The following MACF1 variants were observed in gnomAD, a reference collection of about 807,000 sequenced individuals.
MACF1 encodes the protein microtubule actin crosslinking factor 1.
A neutral mutation model predicts 854.8 loss-of-function variants in MACF1; 193 were observed. The observed-to-expected ratio is 0.23, with a 90% CI of 0.20 to 0.25. The LOEUF (loss-of-function observed/expected upper bound fraction) is 0.25, where lower values mean the gene tolerates loss of function less well. MACF1 is among the 10% of genes least tolerant of loss of function. MACF1 has a pLI of 1.00. For synonymous variants in MACF1, 3,185 were observed against 3,226.7 expected (o/e 0.99, Z 0.44); for missense variants, 7,722 against 8,929.1 (o/e 0.86, Z 5.45).
At chr1:39,167,814 C>T (rs974426409) in intron 2 of MACF1, among the ~76,000 whole-genome samples, 11 of 148,738 alleles carry the variant, frequency 7.4e-5, no homozygotes, top group African/African-American at 2.2e-4. Flanking sequence ...TTGGAGGTTG[C>T]AGTGAGCTGA....
At chr1:39,307,901 C>CTTTCTTTTTTTTTTTTTTTTTTTTT (rs1222230255) in intron 23 of MACF1, among the ~76,000 whole-genome samples, 1 of 50,392 alleles carries the variant, frequency 2.0e-5, no homozygotes, top group Non-Finnish European at 3.6e-5. Context: ...TTCTTTCTTT[C>CTTTCTTTTTTTTTTTTTTTTTTTTT]TTTTTTTTTT....
In MACF1 at chr1:39,291,950, G is replaced by C. The variant is rs555718878; in HGVS notation, c.1826G>C (p.Ser609Thr). Residue 609 changes from serine to threonine, a missense_variant, in exon 16 of 101, where the codon AGT (serine) becomes ACT (threonine). Physicochemically the swap from Ser to Thr is moderately conservative, Grantham distance 58. Transcript: ENST00000564288. ...ERAEWGNDLP[S>T]VELQLETQQH... ...GCAGAGTGGGGCAATGACCTGCCTA[G>C]TGTGGAGTTGCAGCTAGAAACACAG... 4 of 1,613,984 alleles carry C rather than the reference G, an allele frequency of 2.5e-6. No homozygotes were observed. The highest frequency in any genetic ancestry group is 2.2e-5 in the East Asian group (1 of 44,884).
rs1553190549 is a variant in MACF1 at position 39,263,774 on chromosome 1, T to TTC, written c.528+5747_528+5748insCT. On this transcript the variant is annotated intron_variant, in intron 6 of 100. Transcript: ENST00000564288. ...TCTTTCATCTTTTTTCTTTTTTCTT[T>TTC]TTTTTTTTTTTTTTTTTGAGACGGA... Among the ~76,000 whole-genome samples, 80 of 129,934 alleles carry TTC rather than the reference T, an allele frequency of 6.2e-4. 1 individual carries two copies. Among genetic ancestry groups the TTC allele is most frequent in the African/African-American group, 2.2e-3 (72 of 33,218 alleles). The allele number at this position is 129,934 out of a possible 152,430, so 85.2% of individuals were successfully genotyped here. A position where few individuals can be genotyped will look rare whatever the true frequency, so the allele number is the denominator to read the frequency against.
At chr1:39,117,331 C>T (rs890146588) in intron 2 of MACF1, among the ~76,000 whole-genome samples, 7 of 152,086 alleles carry the variant, frequency 4.6e-5, no homozygotes, top group Non-Finnish European at 7.3e-5. Flanking sequence ...CATTCCGCAT[C>T]TTTGTTTGTT....
chr1:39,296,277 T>A (rs550894173), intron 20 of MACF1, among the ~76,000 whole-genome samples: 9 of 152,238 alleles, frequency 5.9e-5, no homozygotes, highest in African/African-American at 2.2e-4. Context: ...GTCCTTTTTT[T>A]CTGCTTGTGT....
Position 39,297,603 on chromosome 1 carries a change from A to T in MACF1, c.2356-17A>T. 7 of 1,614,022 alleles carry T rather than the reference A, an allele frequency of 4.3e-6. No homozygotes were observed. Among genetic ancestry groups the T allele is most frequent in the Non-Finnish European group, 5.1e-6 (6 of 1,179,926 alleles). ...AATGTTTTGAGCAGAAGGCATCCTT[A>T]CTTTGTATTCCCATAGTTCTTCAGT... On this transcript the variant is annotated splice_polypyrimidine_tract_variant and intron_variant, in intron 20 of 100. Coordinates refer to ENST00000564288, the MANE Select transcript of MACF1 (RefSeq NM_001394062.1).
chr1:39,195,442 G>A (rs1479316079), intron 2 of MACF1, among the ~76,000 whole-genome samples: 1 of 152,170 alleles, frequency 6.6e-6, no homozygotes, highest in Non-Finnish European at 1.5e-5. Flanking sequence ...TTATAAAGGA[G>A]AGCAGACATT....
At position 39,361,617 on chromosome 1, in the gene MACF1, G is replaced by A; in HGVS notation, c.12711G>A (p.Arg4237=). 1 of 1,614,176 alleles carries A rather than the reference G, an allele frequency of 6.2e-7. No individual in the cohort carries two copies. Among genetic ancestry groups the A allele is most frequent in the Non-Finnish European group, 8.5e-7 (1 of 1,180,048 alleles). The change falls in exon 49 of 101, where the codon CGG becomes CGA. Residue 4237 remains arginine (R), a synonymous_variant. Coordinates refer to ENST00000564288, the MANE Select transcript of MACF1 (RefSeq NM_001394062.1). ...KLQQFMENKS[R]MLASGNQPDQ... ...AGCAGTTCATGGAAAACAAAAGTCGGATGCTGGCCTCTGGAAATCAGCCAG... is the reference window on the plus strand; with the variant it reads ...AGCAGTTCATGGAAAACAAAAGTCGAATGCTGGCCTCTGGAAATCAGCCAG...
intron 38 of MACF1, among the ~76,000 whole-genome samples, chr1:39,340,214 C>G (rs1369931886): frequency 2.6e-5 from 4 of 152,144 alleles, no homozygotes; most frequent in Admixed American, 2.6e-4. Flanking sequence ...AAACCTGAAT[C>G]CAAGTCCTGG....
intron 3 of MACF1, among the ~76,000 whole-genome samples, chr1:39,251,364 C>A (rs1037801786): frequency 6.6e-6 from 1 of 152,160 alleles, no homozygotes; most frequent in Non-Finnish European, 1.5e-5. Context: ...CACACAGTTA[C>A]ATTTTGGGCA....
chr1:39,228,778 C>T (rs892618175), intron 1 of MACF1, among the ~76,000 whole-genome samples: 3 of 152,156 alleles, frequency 2.0e-5, no homozygotes, highest in East Asian at 1.9e-4. Context: ...CTCAGCCTCC[C>T]GAGTAGCTGG....
chr1:39,140,031 G>A (rs566174213), intron 2 of MACF1, among the ~76,000 whole-genome samples: 2 of 151,644 alleles, frequency 1.3e-5, no homozygotes, highest in Non-Finnish European at 2.9e-5. Flanking sequence ...ATGGCTCACA[G>A]CAGCCTCAAA....
intron 58 of MACF1, chr1:39,413,655 C>G (rs549639474): frequency 6.4e-7 from 1 of 1,570,392 alleles, no homozygotes. Flanking sequence ...CAGAGGAGCC[C>G]GCCTCCCCAG....
chr1:39,332,025 A>C lies in MACF1; in HGVS notation c.5437A>C (p.Ile1813Leu). ...ILIRQLQTGGIIDTVTGQRLT... is the reference protein window; with the variant it reads ...ILIRQLQTGGLIDTVTGQRLT... Reference sequence around the variant, plus strand: ...CATAAGGCAGCTTCAGACAGGAGGCATCATAGACACTGTCACGGGGCAAAG... The same window carrying C: ...CATAAGGCAGCTTCAGACAGGAGGCCTCATAGACACTGTCACGGGGCAAAG... The change falls in exon 37 of 101, where the codon ATC becomes CTC. Residue 1813 changes from isoleucine (I) to leucine (L), a missense_variant. Coordinates refer to ENST00000564288, the MANE Select transcript of MACF1 (RefSeq NM_001394062.1). The C allele has an allele frequency of 6.2e-7, 1 of 1,614,132 alleles. No individual in the cohort carries two copies. The highest frequency in any genetic ancestry group is 8.5e-7 in the Non-Finnish European group (1 of 1,180,028).
At chr1:39,344,155 G>C (rs1646994113) in intron 40 of MACF1, among the ~76,000 whole-genome samples, 1 of 151,804 alleles carries the variant, frequency 6.6e-6, no homozygotes, top group Non-Finnish European at 1.5e-5. Context: ...GCCAGGCGTG[G>C]TGGCTCATGC....
At chr1:39,163,222 G>A (rs11800246) in intron 2 of MACF1, among the ~76,000 whole-genome samples, 25 of 151,420 alleles carry the variant, frequency 1.7e-4, no homozygotes, top group African/African-American at 5.6e-4. Flanking sequence ...GTGGTGGTGC[G>A]TGCCTGTAGT....
Position 39,084,470 on chromosome 1 carries a change from G to A in MACF1, c.220+32G>A, listed in dbSNP as rs1178699511. The stretch of plus-strand genomic sequence containing the variant: ...GAGGTCCCCCAGCAGGCTGGACGCT[G>A]TGGGTGTGAGGGAGGAATGGGCCAG... On this transcript the variant is annotated intron_variant, in intron 2 of 93. Transcript: ENST00000361689. The surrounding 1 kb of genome is among the most constrained non-coding windows in gnomAD (Gnocchi z 5.2). The A allele has an allele frequency of 1.3e-6, 2 of 1,578,992 alleles. No individual in the cohort carries two copies. Among genetic ancestry groups the A allele is most frequent in the East Asian group, 2.3e-5 (1 of 43,616 alleles).
intron 2 of MACF1, among the ~76,000 whole-genome samples, chr1:39,114,078 A>G (rs1642483436): frequency 6.7e-6 from 1 of 149,738 alleles, no homozygotes; most frequent in Non-Finnish European, 1.5e-5. Flanking sequence ...ATTTTTTCCC[A>G]AGCATCTACC....
At chr1:39,438,076 A>G (rs1044082467) in intron 71 of MACF1, 68 bp downstream of exon 71, 1 of 1,358,606 alleles carries the variant, frequency 7.4e-7, no homozygotes, top group African/African-American at 1.4e-5. Context: ...TATCTTCAGC[A>G]TCCCACCAGA....
Sources: gnomAD v4.1 joint callset for allele counts (sites outside exome capture counted in the v4.1 genomes callset) on GRCh38, gnomAD v4.1.1 for gene constraint, Gnocchi (gnomAD v3.1) non-coding constraint, MANE v1.5 for transcripts, NCBI Gene and HGNC (gene_info 2026-07-23, HGNC 2026-07-21) for gene names.